The following TSHZ2 variants were observed in gnomAD, a reference collection of about 807,000 sequenced individuals.
TSHZ2 encodes the protein teashirt zinc finger homeobox 2.
Under a neutral mutation model 74.4 loss-of-function variants are expected in TSHZ2, and 21 were observed. The observed-to-expected ratio is 0.28, with a 90% CI of 0.20 to 0.41. The LOEUF (loss-of-function observed/expected upper bound fraction) is 0.41. Among genes scored for constraint, TSHZ2 ranks in the 10% least tolerant of loss-of-function variants. The pLI, the probability that TSHZ2 is intolerant of heterozygous loss-of-function variation, is 1.00. For missense variants in TSHZ2, 1,244 were observed against 1,293.5 expected (o/e 0.96, Z 0.59); for synonymous variants, 540 against 515.3 (o/e 1.05, Z -0.65).
Position 53,125,505 on chromosome 20 carries a change from A to G in TSHZ2, c.41-127994A>G, listed in dbSNP as rs1986923927. 5.3e-5 allele frequency among the ~76,000 whole-genome samples: 8 copies of G among 152,172 alleles called. No homozygotes were observed. The South Asian group carries it at 1.5e-3, about 28-fold the overall frequency. On this transcript the variant is annotated intron_variant, in intron 1 of 2. Transcript: ENST00000371497. ...CAAGCACTTTCTGGTTGCTCGCTGT[A>G]TTACTATTATTGAATAATCATGAAT...
chr20:53,148,008 C>A (rs1987585790), intron 1 of TSHZ2, among the ~76,000 whole-genome samples: 1 of 152,184 alleles, frequency 6.6e-6, no homozygotes, highest in Non-Finnish European at 1.5e-5. Context: ...GCCACCATGC[C>A]CGGCCAGTGG....
chr20:53,018,812 C>G (rs889379702), intron 1 of TSHZ2, among the ~76,000 whole-genome samples: 1 of 152,210 alleles, frequency 6.6e-6, no homozygotes, highest in Non-Finnish European at 1.5e-5. Flanking sequence ...CAGCTCTACA[C>G]TGAGATCCTG....
chr20:53,192,325 T>C (rs146622429), intron 1 of TSHZ2, among the ~76,000 whole-genome samples: 1 of 151,760 alleles, frequency 6.6e-6, no homozygotes, highest in African/African-American at 2.4e-5. Flanking sequence ...ACAACTTTGC[T>C]TGTGCATGTC....
chr20:53,305,463 C>A (rs1365913560), intron 2 of TSHZ2, among the ~76,000 whole-genome samples: 3 of 152,112 alleles, frequency 2.0e-5, no homozygotes, highest in Non-Finnish European at 4.4e-5. Flanking sequence ...GAAGTGCCTG[C>A]ACTGGGACAC....
At chr20:53,214,613 T>C (rs1162855245) in intron 1 of TSHZ2, among the ~76,000 whole-genome samples, 1 of 152,078 alleles carries the variant, frequency 6.6e-6, no homozygotes, top group African/African-American at 2.4e-5. Flanking sequence ...CCTGGGAGGA[T>C]TAGGCAAGAG....
chr20:53,090,415 G>A (rs571118671), intron 1 of TSHZ2, among the ~76,000 whole-genome samples: 4 of 152,214 alleles, frequency 2.6e-5, no homozygotes, highest in Non-Finnish European at 5.9e-5. Context: ...CATTCTGACT[G>A]GGGTTGAGAA....
At chr20:53,425,525 T>A (rs1435591498) in intron 2 of TSHZ2, among the ~76,000 whole-genome samples, 1 of 152,230 alleles carries the variant, frequency 6.6e-6, no homozygotes, top group Admixed American at 6.5e-5. Context: ...AGAATTTCCA[T>A]GTCTGGGAAA....
chr20:53,125,160 T>G (rs1271995796), intron 1 of TSHZ2, among the ~76,000 whole-genome samples: 2 of 152,262 alleles, frequency 1.3e-5, no homozygotes, highest in East Asian at 3.8e-4. Flanking sequence ...AGGGTGATTT[T>G]GAGGATTAAA....
At chr20:53,003,875 T>G (rs1982534936) in intron 1 of TSHZ2, among the ~76,000 whole-genome samples, 1 of 152,096 alleles carries the variant, frequency 6.6e-6, no homozygotes, top group Admixed American at 6.5e-5. Flanking sequence ...TTCCTTCTCT[T>G]TCCTTCTTTT....
intron 1 of TSHZ2, among the ~76,000 whole-genome samples, chr20:53,058,163 A>T (rs1984701805): frequency 6.6e-6 from 1 of 152,178 alleles, no homozygotes; most frequent in South Asian, 2.1e-4. Context: ...CAGGAGGCTC[A>T]GCTCGGGCCA....
intron 2 of TSHZ2, chr20:53,399,252 G>A (rs1002707673): frequency 2.6e-5 from 4 of 152,214 alleles, no homozygotes; most frequent in Non-Finnish European, 5.9e-5. Flanking sequence ...TAAAGGACGA[G>A]TCTTTGAAGT....
At chr20:53,135,832 T>G (rs1351412959) in intron 1 of TSHZ2, among the ~76,000 whole-genome samples, 2 of 152,106 alleles carry the variant, frequency 1.3e-5, no homozygotes, top group East Asian at 1.9e-4. Context: ...CTCAAACTCC[T>G]GGGCTCAAAT....
Position 53,325,183 on chromosome 20 carries a change from T to C in TSHZ2, c.*8+68612T>C, listed in dbSNP as rs182984750. Among the ~76,000 whole-genome samples, 1,101 of 152,334 alleles carry C rather than the reference T, an allele frequency of 7.2e-3. 7 individuals carry two copies. The highest frequency in any genetic ancestry group is 0.01 in the Non-Finnish European group (705 of 68,038). ...GTTTTTCTTGGTTTTTTGATTCTTA[T>C]GTTGTCATTTCCCTGAGTTGAGATC... On this transcript the variant is annotated intron_variant, in intron 2 of 2. Coordinates refer to ENST00000371497, the MANE Select transcript of TSHZ2 (RefSeq NM_173485.6).
intron 1 of TSHZ2, among the ~76,000 whole-genome samples, chr20:53,141,932 A>G (rs1394630039): frequency 1.3e-5 from 2 of 152,170 alleles, no homozygotes; most frequent in Non-Finnish European, 2.9e-5. Context: ...CCAGCTGGAA[A>G]CCTGTGGGCT....
chr20:53,054,596 A>G (rs530188614), intron 1 of TSHZ2, among the ~76,000 whole-genome samples: 66 of 152,324 alleles, frequency 4.3e-4, no homozygotes, highest in African/African-American at 1.6e-3. Context: ...GCAAGTAGCA[A>G]GCCAACAGCA....
rs1296593928 is a variant in TSHZ2 at position 53,076,405 on chromosome 20, A to G, written c.40+103072A>G. Reference sequence around the variant, plus strand: ...CATTTGTTCAACTTACTGAGGCCCTATTGTGTGCCAGGCACTGGATGAAAG... The same window carrying G: ...CATTTGTTCAACTTACTGAGGCCCTGTTGTGTGCCAGGCACTGGATGAAAG... On this transcript the variant is annotated intron_variant, in intron 1 of 2. Coordinates refer to ENST00000371497, the MANE Select transcript of TSHZ2 (RefSeq NM_173485.6). 2.0e-5 allele frequency among the ~76,000 whole-genome samples: 3 copies of G among 152,234 alleles called. No individual in the cohort carries two copies. The South Asian group carries it at 6.2e-4, about 32-fold the overall frequency.
intron 2 of TSHZ2, among the ~76,000 whole-genome samples, chr20:53,261,273 A>T (rs529131678): frequency 6.6e-6 from 1 of 152,294 alleles, no homozygotes; most frequent in Non-Finnish European, 1.5e-5. Context: ...GCTATCAAAC[A>T]TTGCAACTCA....
chr20:53,165,121 A>ATGGG (rs1446139057), intron 1 of TSHZ2, among the ~76,000 whole-genome samples: 3 of 152,134 alleles, frequency 2.0e-5, no homozygotes, highest in Admixed American at 6.5e-5. Context: ...GGATGGATGG[A>ATGGG]TGGGTGGATG....
chr20:53,058,110 G>T (rs1984700143), intron 1 of TSHZ2, among the ~76,000 whole-genome samples: 1 of 152,130 alleles, frequency 6.6e-6, no homozygotes, highest in African/African-American at 2.4e-5. Context: ...GTTCACAATA[G>T]GGTTTAGGCC....
Sources: allele counts gnomAD v4.1 joint callset (sites outside exome capture counted in the v4.1 genomes callset), GRCh38; gene constraint gnomAD v4.1.1; transcripts MANE v1.5; gene names NCBI Gene and HGNC (gene_info 2026-07-23, HGNC 2026-07-21).